The following FXYD6 variants were observed in gnomAD, a reference collection of about 807,000 sequenced individuals.
FXYD6 encodes the protein FXYD domain containing ion transport regulator 6, also known as FXYD domain-containing ion transport regulator 6.
In FXYD6, 7 loss-of-function variants were observed where a neutral mutation model predicts 16.7. The observed-to-expected ratio is 0.42, with a 90% confidence interval of 0.24 to 0.79. The LOEUF is 0.79. Ranked by LOEUF, FXYD6 falls within the 30% of genes least tolerant of loss-of-function variation. The probability of loss-of-function intolerance (pLI) is 0.28; values close to 1 mark genes in which losing one functional copy is unlikely to be tolerated. For synonymous variants in FXYD6, 49 were observed against 43.0 expected (o/e 1.14, Z -0.54); for missense variants, 111 against 116.2 (o/e 0.95, Z 0.21).
At chr11:117,854,770 A>T (rs1481786576) in intron 1 of FXYD6, among the ~76,000 whole-genome samples, 1 of 152,216 alleles carries the variant, frequency 6.6e-6, no homozygotes, top group Non-Finnish European at 1.5e-5. Context: ...ATTTTGATAG[A>T]CAGGGGGAAG....
At chr11:117,867,883 A>G (rs1199528463) in intron 1 of FXYD6, among the ~76,000 whole-genome samples, 1 of 152,212 alleles carries the variant, frequency 6.6e-6, no homozygotes, top group East Asian at 1.9e-4. Flanking sequence ...GATGCCTGGA[A>G]ATCAACTCAG....
chr11:117,867,667 T>C (rs990334437), intron 1 of FXYD6, among the ~76,000 whole-genome samples: 1 of 152,158 alleles, frequency 6.6e-6, no homozygotes, highest in South Asian at 2.1e-4. Flanking sequence ...ACCCCTCCAG[T>C]ATCTTCTCAT....
chr11:117,855,361 C>G (rs757624788), intron 1 of FXYD6, among the ~76,000 whole-genome samples: 5 of 152,302 alleles, frequency 3.3e-5, no homozygotes, highest in Admixed American at 1.3e-4. Flanking sequence ...GGAGGGGGGC[C>G]TAAACCCATT....
chr11:117,847,045 T>C (rs1357896486), intron 1 of FXYD6, among the ~76,000 whole-genome samples: 4 of 152,252 alleles, frequency 2.6e-5, no homozygotes, highest in Admixed American at 6.5e-5. Flanking sequence ...TCCTTTTCAA[T>C]AAAGTTCCAT....
chr11:117,839,766 C>A lies in FXYD6; in HGVS notation c.*21+15G>T, dbSNP rs769792807. On this transcript the variant is annotated intron_variant, in intron 7 of 7. Coordinates refer to ENST00000526014, the MANE Select transcript of FXYD6 (RefSeq NM_022003.4). The stretch of plus-strand genomic sequence containing the variant: ...TGATGGCAACAGGGGCCAATCCAGG[C>A]ACTGAGCATCTCACCTTCCACCTGA... The A allele has an allele frequency of 3.7e-6, 6 of 1,614,186 alleles. No individual in the cohort carries two copies. The highest frequency in any genetic ancestry group is 5.1e-6 in the Non-Finnish European group (6 of 1,180,020).
intron 5 of FXYD6, 102 bp from the exon 6 acceptor site, chr11:117,840,470 TCCTCC>T: frequency 6.6e-7 from 1 of 1,504,460 alleles, no homozygotes; most frequent in Non-Finnish European, 9.2e-7. Context: ...GCAGTCAGGC[TCCTCC>T]CAGTGCCCTG....
chr11:117,857,152 C>T (rs1206277441), intron 1 of FXYD6, among the ~76,000 whole-genome samples: 1 of 152,156 alleles, frequency 6.6e-6, no homozygotes, highest in African/African-American at 2.4e-5. Flanking sequence ...GGTGACAGTG[C>T]TGGCTTCAGG....
chr11:117,849,521 A>G (rs527842831), intron 1 of FXYD6, among the ~76,000 whole-genome samples: 5 of 151,654 alleles, frequency 3.3e-5, no homozygotes, highest in African/African-American at 1.2e-4. Flanking sequence ...AACATTATCA[A>G]CTGTGTTTAA....
intron 1 of FXYD6, among the ~76,000 whole-genome samples, chr11:117,844,707 G>T (rs2134143355): frequency 6.6e-6 from 1 of 152,156 alleles, no homozygotes; most frequent in Non-Finnish European, 1.5e-5. Context: ...TGTTGGTCAG[G>T]CTCAAACTTC....
chr11:117,842,140 G>A, intron 2 of FXYD6, 112 bp from the exon 3 acceptor site: 2 of 1,533,822 alleles, frequency 1.3e-6, no homozygotes, highest in Non-Finnish European at 8.9e-7. Context: ...AGAGGAGCAG[G>A]GCCCATTAAA....
At chr11:117,844,303 T>C (rs1293651123) in intron 1 of FXYD6, 1 of 152,200 alleles carries the variant, frequency 6.6e-6, no homozygotes, top group African/African-American at 2.4e-5. Context: ...CTGTATCTTA[T>C]ATGTATAAAA....
chr11:117,841,831 G>A lies in FXYD6; in HGVS notation c.132C>T (p.Phe44=), dbSNP rs773795562. The A allele has an allele frequency of 4.3e-6, 7 of 1,613,786 alleles. No homozygotes were observed. Among genetic ancestry groups the A allele is most frequent in the African/African-American group, 2.7e-5 (2 of 74,842 alleles). ...TCCCAACCGAGAAGAGGACCACAGC[G>A]AACACCAGTCCCCCAATCCTCAGGG... ...YQTLRIGGLV[F]AVVLFSVGIL... is the part of the protein sequence containing the mutation. Residue 44 remains phenylalanine, a synonymous_variant, in exon 4 of 8, where the codon TTC becomes TTT. Transcript: ENST00000526014.
At chr11:117,854,329 G>A (rs146927378) in intron 1 of FXYD6, among the ~76,000 whole-genome samples, 1 of 152,272 alleles carries the variant, frequency 6.6e-6, no homozygotes, top group African/African-American at 2.4e-5. Flanking sequence ...TTGGCAATAG[G>A]GCTCTTCCTG....
At chr11:117,862,862 A>G (rs149332599) in intron 1 of FXYD6, among the ~76,000 whole-genome samples, 4 of 152,282 alleles carry the variant, frequency 2.6e-5, no homozygotes, top group African/African-American at 7.2e-5. Context: ...CCTTCAGTGT[A>G]TCTGTGACTG....
intron 1 of FXYD6, among the ~76,000 whole-genome samples, chr11:117,868,227 T>C (rs1372057086): frequency 6.6e-6 from 1 of 152,092 alleles, no homozygotes; most frequent in Non-Finnish European, 1.5e-5. Flanking sequence ...GGTATGTTTG[T>C]CTCGAGGAGC....
rs1282759853 is a variant in FXYD6, at chr11:117,872,646, G to A, written c.-6+3946C>T. 6.6e-6 allele frequency among the ~76,000 whole-genome samples: 1 copy of A among 152,160 alleles called. No homozygotes were observed. Among genetic ancestry groups the A allele is most frequent in the Non-Finnish European group, 1.5e-5 (1 of 68,026 alleles). On this transcript the variant is annotated intron_variant, in intron 1 of 7. Coordinates refer to ENST00000526014, the MANE Select transcript of FXYD6 (RefSeq NM_022003.4). The surrounding 1 kb of genome is among the most constrained non-coding windows in gnomAD (Gnocchi z 4.9). ...TGCCCACATCAGATATTCTGAGCTGGGGCAGCCCCATTCCCATGGCCCCAG... is the reference window on the plus strand; with the variant it reads ...TGCCCACATCAGATATTCTGAGCTGAGGCAGCCCCATTCCCATGGCCCCAG...
At chr11:117,865,067 T>C (rs2134196059) in intron 1 of FXYD6, among the ~76,000 whole-genome samples, 1 of 152,262 alleles carries the variant, frequency 6.6e-6, no homozygotes, top group South Asian at 2.1e-4. Flanking sequence ...TGAACTAACA[T>C]TTCTCCAAAG....
At chr11:117,867,913 C>A (rs138992731) in intron 1 of FXYD6, among the ~76,000 whole-genome samples, 23 of 152,264 alleles carry the variant, frequency 1.5e-4, no homozygotes, top group Middle Eastern at 3.4e-3. Context: ...GCTCTAAACC[C>A]GGGCAGTGTA....
chr11:117,874,530 C>A (rs1269869898), intron 1 of FXYD6, among the ~76,000 whole-genome samples: 1 of 152,190 alleles, frequency 6.6e-6, no homozygotes, highest in Non-Finnish European at 1.5e-5. Flanking sequence ...ACTCCTGTGG[C>A]CCCTCTCCTT....
Sources: allele counts gnomAD v4.1 joint callset (sites outside exome capture counted in the v4.1 genomes callset), GRCh38; gene constraint gnomAD v4.1.1; non-coding constraint Gnocchi (gnomAD v3.1); transcripts MANE v1.5; gene names NCBI Gene and HGNC (gene_info 2026-07-23, HGNC 2026-07-21).